Variants in DLG2 observed in about 807,000 individuals in gnomAD.
The protein encoded by DLG2 is disks large homolog 2.
A neutral mutation model predicts 132.5 loss-of-function variants in DLG2; 45 were observed. That is an observed-to-expected ratio of 0.34 (90% CI 0.27 to 0.44). The LOEUF is 0.44. Ranked by LOEUF, DLG2 falls within the 20% of genes least tolerant of loss-of-function variation. The pLI is 1.00. For synonymous variants in DLG2, 424 were observed against 419.6 expected (o/e 1.01, Z -0.13); for missense variants, 1,045 against 1,196.9 (o/e 0.87, Z 1.87).
intron 9 of DLG2, among the ~76,000 whole-genome samples, chr11:84,130,009 T>C (rs1158220963): frequency 6.6e-6 from 1 of 152,102 alleles, no homozygotes; most frequent in Non-Finnish European, 1.5e-5. Flanking sequence ...TTTAGTACTA[T>C]ACCAAGTATT....
chr11:83,935,955 A>G (rs958133955), intron 14 of DLG2, among the ~76,000 whole-genome samples: 5 of 152,188 alleles, frequency 3.3e-5, no homozygotes, highest in African/African-American at 4.8e-5. Context: ...AATAGGAACA[A>G]TGTGCATAAA....
At chr11:84,026,445 A>G (rs1340980061) in intron 11 of DLG2, among the ~76,000 whole-genome samples, 1 of 152,134 alleles carries the variant, frequency 6.6e-6, no homozygotes, top group African/African-American at 2.4e-5. Context: ...AAGAGACTTC[A>G]GGACTTGCAT....
At chr11:84,979,697 C>T (rs1249872322) in intron 6 of DLG2, among the ~76,000 whole-genome samples, 1 of 152,136 alleles carries the variant, frequency 6.6e-6, no homozygotes, top group Non-Finnish European at 1.5e-5. Context: ...TGAGATATAC[C>T]TAATATTAAA....
chr11:83,795,849 G>T (rs1248204883), intron 17 of DLG2, among the ~76,000 whole-genome samples: 1 of 152,174 alleles, frequency 6.6e-6, no homozygotes, highest in East Asian at 1.9e-4. Flanking sequence ...TCATTAGGCT[G>T]ATTCAAACAC....
chr11:85,082,579 T>C (rs990845982), intron 6 of DLG2, among the ~76,000 whole-genome samples: 1 of 151,822 alleles, frequency 6.6e-6, no homozygotes, highest in East Asian at 1.9e-4. Context: ...GGGGTCAGAG[T>C]CATTAGAAGC....
At chr11:84,945,485 C>T (rs2050081965) in intron 6 of DLG2, among the ~76,000 whole-genome samples, 1 of 152,190 alleles carries the variant, frequency 6.6e-6, no homozygotes, top group Non-Finnish European at 1.5e-5. Flanking sequence ...TGGCTACCAC[C>T]ACTGGGACTG....
chr11:84,882,454 T>C (rs1282024388), intron 6 of DLG2, among the ~76,000 whole-genome samples: 1 of 152,014 alleles, frequency 6.6e-6, no homozygotes, highest in African/African-American at 2.4e-5. Context: ...GCATGAACAC[T>C]TACACTAGGA....
chr11:85,410,334 T>C (rs1370657183), intron 3 of DLG2, among the ~76,000 whole-genome samples: 1 of 151,682 alleles, frequency 6.6e-6, no homozygotes, highest in Non-Finnish European at 1.5e-5. Flanking sequence ...TATTAATATA[T>C]TTATTAGTAT....
At chr11:83,564,254 A>C (rs549791809) in intron 19 of DLG2, among the ~76,000 whole-genome samples, 9 of 152,156 alleles carry the variant, frequency 5.9e-5, no homozygotes, top group Non-Finnish European at 1.2e-4. Flanking sequence ...ATTTTAGAAA[A>C]ATGTTAAATT....
chr11:84,011,856 G>T (rs945221414), intron 11 of DLG2, among the ~76,000 whole-genome samples: 2 of 151,886 alleles, frequency 1.3e-5, no homozygotes, highest in African/African-American at 4.8e-5. Context: ...ATCAAATAAA[G>T]AAATACATGT....
intron 6 of DLG2, among the ~76,000 whole-genome samples, chr11:84,928,997 TATATA>T (rs2047768231): frequency 3.2e-5 from 4 of 124,338 alleles, no homozygotes; most frequent in Non-Finnish European, 5.1e-5. Context: ...TATATATATA[TATATA>T]TATATATATA....
At chr11:85,463,184 A>AT (rs1372797691) in intron 3 of DLG2, among the ~76,000 whole-genome samples, 2 of 152,164 alleles carry the variant, frequency 1.3e-5, no homozygotes, top group African/African-American at 2.4e-5. Context: ...GAATCATTTT[A>AT]TTTTTCATTG....
At chr11:83,809,964 G>A (rs574411994) in intron 17 of DLG2, among the ~76,000 whole-genome samples, 63 of 152,208 alleles carry the variant, frequency 4.1e-4, no homozygotes, top group African/African-American at 1.5e-3. Context: ...GGTAAACCAG[G>A]AAAAAGTATG....
intron 17 of DLG2, among the ~76,000 whole-genome samples, chr11:83,804,711 G>T (rs1256412644): frequency 6.6e-6 from 1 of 151,806 alleles, no homozygotes; most frequent in Non-Finnish European, 1.5e-5. Context: ...GACATTTTCT[G>T]TATAACCACA....
chr11:83,860,835 G>A (rs952427123), intron 16 of DLG2, among the ~76,000 whole-genome samples: 3 of 152,152 alleles, frequency 2.0e-5, no homozygotes, highest in African/African-American at 4.8e-5. Flanking sequence ...AATCATGTGG[G>A]TGGGTCTTTC....
chr11:84,977,261 T>C (rs571483941), intron 6 of DLG2, among the ~76,000 whole-genome samples: 18 of 152,152 alleles, frequency 1.2e-4, no homozygotes, highest in Non-Finnish European at 2.5e-4. Flanking sequence ...TAGTTCTAAC[T>C]CTTTCTCTTT....
intron 8 of DLG2, among the ~76,000 whole-genome samples, chr11:84,198,546 T>C (rs957686568): frequency 6.6e-6 from 1 of 152,300 alleles, no homozygotes; most frequent in African/African-American, 2.4e-5. Flanking sequence ...TACCAGGTAA[T>C]GTAATGTCAA....
At chr11:85,155,848 G>T (rs2152461569) in intron 4 of DLG2, among the ~76,000 whole-genome samples, 1 of 146,102 alleles carries the variant, frequency 6.8e-6, no homozygotes, top group East Asian at 2.0e-4. Flanking sequence ...GACTGAGCAA[G>T]ACTCTGTATC....
At chr11:84,412,105 A>T (rs1194485551) in intron 7 of DLG2, among the ~76,000 whole-genome samples, 2 of 151,718 alleles carry the variant, frequency 1.3e-5, no homozygotes, top group Admixed American at 1.3e-4. Flanking sequence ...AGTCTGCCCC[A>T]TAACAGATGG....
Sources: allele counts gnomAD v4.1 joint callset (sites outside exome capture counted in the v4.1 genomes callset), GRCh38; gene constraint gnomAD v4.1.1; transcripts MANE v1.5; gene names NCBI Gene and HGNC (gene_info 2026-07-23, HGNC 2026-07-21).